The following SPDYE3 variants were observed in gnomAD, a reference collection of about 807,000 sequenced individuals.
The protein encoded by SPDYE3 is speedy/RINGO cell cycle regulator family member E3, also known as speedy protein E3.
Under a neutral mutation model 55.0 loss-of-function variants are expected in SPDYE3, and 15 were observed. The observed-to-expected ratio is 0.27, with a 90% CI of 0.18 to 0.42. The LOEUF (loss-of-function observed/expected upper bound fraction) is 0.42, where lower values mean the gene tolerates loss of function less well. SPDYE3 is among the 10% of genes least tolerant of loss of function. The pLI is 1.00. For missense variants in SPDYE3, 236 were observed against 576.7 expected (o/e 0.41, Z 6.05); for synonymous variants, 89 against 229.9 (o/e 0.39, Z 5.55).
rs557815000 is a variant in SPDYE3 at position 100,315,692 on chromosome 7, T to A, written c.1202-93T>A. The stretch of plus-strand genomic sequence containing the variant: ...CACCCGCGGCCACAATCCTGAGACT[T>A]TCCCCCGGGAGGCACACTTCTCCTC... On this transcript the variant is annotated intron_variant, in intron 6 of 10. Transcript: ENST00000332397. 4.4e-6 allele frequency: 7 copies of A among 1,587,516 alleles called. No homozygotes were observed. In the Admixed American group the frequency reaches 8.3e-5, roughly 19 times the overall value.
chr7:100,319,672 G>T lies in SPDYE3; in HGVS notation c.1454G>T (p.Trp485Leu). The T allele has an allele frequency of 6.2e-7, 1 of 1,614,204 alleles. No homozygotes were observed. The highest frequency in any genetic ancestry group is 2.2e-5 in the East Asian group (1 of 44,892). The change falls in exon 9 of 11, where the codon TGG (tryptophan) becomes TTG (leucine). Residue 485 changes from tryptophan (W) to leucine (L), a missense_variant. Trp to Leu is a moderately conservative substitution (Grantham distance 61). Transcript: ENST00000332397. Reference sequence around the variant, plus strand: ...CACATACCCTTGCGCCCTAAGCATTGGTTCCAGTTATGCCGTCCCATGAAC... The same window carrying T: ...CACATACCCTTGCGCCCTAAGCATTTGTTCCAGTTATGCCGTCCCATGAAC... ...HSHIPLRPKH[W>L]FQLCRPMNPR...
At position 100,315,834 on chromosome 7, in the gene SPDYE3, G is replaced by T. The variant is rs778490899; in HGVS notation, c.1251G>T (p.Val417=). The T allele has an allele frequency of 6.2e-7, 1 of 1,600,292 alleles. No individual in the cohort carries two copies. The highest frequency in any genetic ancestry group is 2.2e-5 in the East Asian group (1 of 44,880). Reference sequence around the variant, plus strand: ...TGGCCTGGGACAAAGATCTGAGGGTGTCAGACAAGGTAAGGTTGTTCTCTA... The same window carrying T: ...TGGCCTGGGACAAAGATCTGAGGGTTTCAGACAAGGTAAGGTTGTTCTCTA... ...RFLAWDKDLR[V]SDKYLLAMVI... The change falls in exon 7 of 11, where the codon GTG becomes GTT. Residue 417 remains valine, a synonymous_variant. Coordinates refer to ENST00000332397, the MANE Select transcript of SPDYE3 (RefSeq NM_001004351.5).
At position 100,314,951 on chromosome 7, in the gene SPDYE3, GA is replaced by G. The variant is rs555425779; in HGVS notation, c.1201+202del. 2.8e-4 allele frequency among the ~76,000 whole-genome samples: 41 copies of G among 145,312 alleles called. No homozygotes were observed. The South Asian group carries it at 8.7e-3, about 31-fold the overall frequency. On this transcript the variant is annotated intron_variant, in intron 6 of 10. Transcript: ENST00000332397. ...AGACTTGATAAAGGTCGGTGCTTGGGATAAGAAAGCTTGGTTTTGGGCCAGG... is the reference window on the plus strand; with the variant it reads ...AGACTTGATAAAGGTCGGTGCTTGGGTAAGAAAGCTTGGTTTTGGGCCAGG...
At chr7:100,317,257 C>T (rs773332838) in intron 8 of SPDYE3, 102 bp downstream of exon 8, 17 of 1,297,660 alleles carry the variant, frequency 1.3e-5, no homozygotes, top group Non-Finnish European at 1.9e-5. Flanking sequence ...TATTTGTCCT[C>T]TTTACTCTGT....
intron 6 of SPDYE3, among the ~76,000 whole-genome samples, chr7:100,315,108 ACT>A (rs1418309341): frequency 6.6e-6 from 1 of 151,068 alleles, no homozygotes; most frequent in Non-Finnish European, 1.5e-5. Context: ...ACAGAGCAAA[ACT>A]CTGCGTCAAA....
Position 100,307,900 on chromosome 7 carries a change from A to T in SPDYE3, c.15A>T (p.Gln5His). Residue 5 changes from glutamine (Q) to histidine (H), a missense_variant, in exon 1 of 11, where the codon CAA (glutamine) becomes CAT (histidine). Coordinates refer to ENST00000332397, the MANE Select transcript of SPDYE3 (RefSeq NM_001004351.5). MTSH[Q>H]PQPQEEQSPQ... Reference sequence around the variant, plus strand: ...TGGGAAAGATCATGACGAGCCATCAACCGCAGCCCCAGGAAGAGCAGAGCC... The same window carrying T: ...TGGGAAAGATCATGACGAGCCATCATCCGCAGCCCCAGGAAGAGCAGAGCC... 1.9e-6 allele frequency: 3 copies of T among 1,584,938 alleles called. No homozygotes were observed. Among genetic ancestry groups the T allele is most frequent in the Non-Finnish European group, 2.6e-6 (3 of 1,173,812 alleles).
At chr7:100,308,279 C>T (rs1483650917) in intron 1 of SPDYE3, among the ~76,000 whole-genome samples, 4 of 144,114 alleles carry the variant, frequency 2.8e-5, no homozygotes, top group East Asian at 2.0e-4. Flanking sequence ...TGCAGTGAGC[C>T]GAGATCGTGC....
intron 1 of SPDYE3, among the ~76,000 whole-genome samples, chr7:100,308,713 CAAA>C (rs368848490): frequency 8.4e-6 from 1 of 119,254 alleles, no homozygotes. Context: ...TGTCTCGAAA[CAAA>C]AAAAAAAAAA....
chr7:100,311,494 A>C (rs1324015013), intron 3 of SPDYE3, among the ~76,000 whole-genome samples: 1 of 140,144 alleles, frequency 7.1e-6, no homozygotes, highest in East Asian at 2.0e-4. Context: ...TCGAAACAAA[A>C]AAAAAAAAGA....
chr7:100,321,133 T>G lies in SPDYE3; in HGVS notation c.*288T>G, dbSNP rs1789572457. ...GAGTGTTTCCAGTTCCACCCTTTCC[T>G]GCGGCACCACCTCCCTTTTTATATT... On this transcript the variant is annotated 3_prime_UTR_variant, in exon 11 of 11. Transcript: ENST00000332397. 1.9e-6 allele frequency: 1 copy of G among 534,628 alleles called. No individual in the cohort carries two copies. Among genetic ancestry groups the G allele is most frequent in the African/African-American group, 1.9e-5 (1 of 52,008 alleles). The allele number at this position is 534,628 out of a possible 1,614,324, so 33.1% of individuals were successfully genotyped here. A position where few individuals can be genotyped will look rare whatever the true frequency, so the allele number is the denominator to read the frequency against.
chr7:100,320,250 C>T lies in SPDYE3; in HGVS notation c.*45+215C>T, dbSNP rs576895312. 77 of 1,195,720 alleles carry T rather than the reference C, an allele frequency of 6.4e-5. No individual in the cohort carries two copies. The East Asian group carries it at 7.9e-4, about 12-fold the overall frequency. The allele number at this position is 1,195,720 out of a possible 1,614,324, so 74.1% of individuals were successfully genotyped here. A position where few individuals can be genotyped will look rare whatever the true frequency, so the allele number is the denominator to read the frequency against. On this transcript the variant is annotated intron_variant, in intron 10 of 10. Transcript: ENST00000332397. ...GGAGGATCGCTGGAGCCTGGGAGGT[C>T]GGGGCTGCAGGGAGCCCTGATCCTG...
chr7:100,314,323 C>G (rs1463473195), intron 5 of SPDYE3: 16 of 528,876 alleles, frequency 3.0e-5, no homozygotes, highest in Non-Finnish European at 5.0e-5. Flanking sequence ...AACGATATGA[C>G]GCAGTGTTCT....
intron 8 of SPDYE3, among the ~76,000 whole-genome samples, chr7:100,319,053 T>G (rs1231054178): frequency 3.3e-5 from 5 of 151,834 alleles, no homozygotes; most frequent in African/African-American, 1.2e-4. Flanking sequence ...CTAGGACTAA[T>G]GGGTGTGCCA....
intron 7 of SPDYE3, 56 bp from the exon 8 acceptor site, chr7:100,317,014 A>G: frequency 1.3e-6 from 2 of 1,594,600 alleles, no homozygotes; most frequent in Non-Finnish European, 1.7e-6. Context: ...TATCTCCACA[A>G]TCTTCCTCTC....
intron 1 of SPDYE3, 35 bp from the exon 2 acceptor site, chr7:100,308,939 G>A (rs1489366151): frequency 1.7e-6 from 1 of 589,292 alleles, no homozygotes; most frequent in South Asian, 2.0e-5. Context: ...ATCAGTTGCA[G>A]AAGCATTACA....
At chr7:100,316,782 A>G (rs1413698729) in intron 7 of SPDYE3, among the ~76,000 whole-genome samples, 1 of 152,036 alleles carries the variant, frequency 6.6e-6, no homozygotes, top group Non-Finnish European at 1.5e-5. Context: ...CCTGGCACAC[A>G]AAAGACCCTC....
chr7:100,320,082 T>C (rs1468783845), intron 10 of SPDYE3, 47 bp downstream of exon 10: 31 of 1,580,516 alleles, frequency 2.0e-5, no homozygotes, highest in Non-Finnish European at 2.5e-5. Flanking sequence ...GGGGTCTATT[T>C]CGGAAATCCA....
intron 6 of SPDYE3, among the ~76,000 whole-genome samples, chr7:100,315,193 T>A (rs368859318): frequency 1.3e-5 from 2 of 151,994 alleles, no homozygotes. Context: ...ACAGGAGAAT[T>A]GCTTAAACCC....
chr7:100,310,118 C>T (rs1369770991), intron 2 of SPDYE3, among the ~76,000 whole-genome samples: 3 of 139,750 alleles, frequency 2.1e-5, no homozygotes. Flanking sequence ...AAAAAGAGGG[C>T]CTCAGAGAGC....
Sources: allele counts gnomAD v4.1 joint callset (sites outside exome capture counted in the v4.1 genomes callset), GRCh38; gene constraint gnomAD v4.1.1; transcripts MANE v1.5; gene names NCBI Gene and HGNC (gene_info 2026-07-23, HGNC 2026-07-21).